The following ST7 variants were observed in gnomAD, a reference collection of about 807,000 sequenced individuals.
ST7 encodes suppressor of tumorigenicity 7 protein.
In ST7, 28 loss-of-function variants were observed where a neutral mutation model predicts 78.7. The ratio of observed to expected loss-of-function variants is 0.36; its 90% CI spans 0.26 to 0.49. The LOEUF is 0.49. Ranked by LOEUF, ST7 falls within the 20% of genes least tolerant of loss-of-function variation. The pLI, the probability that ST7 is intolerant of heterozygous loss-of-function variation, is 0.99. For missense variants in ST7, 418 were observed against 696.0 expected, an observed-to-expected ratio of 0.60 and a Z score of 4.49; for synonymous variants, 247 against 249.6, an observed-to-expected ratio of 0.99 and a Z score of 0.10.
intron 1 of ST7, among the ~76,000 whole-genome samples, chr7:117,039,067 T>G (rs561111499): frequency 6.6e-6 from 1 of 152,318 alleles, no homozygotes; most frequent in Non-Finnish European, 1.5e-5. Flanking sequence ...AGCTAATCCT[T>G]TATGAGTGGT....
chr7:117,183,400 G>T (rs898044051), intron 10 of ST7, among the ~76,000 whole-genome samples: 2 of 151,572 alleles, frequency 1.3e-5, no homozygotes, highest in Admixed American at 1.3e-4. Context: ...ACTCCAGCCT[G>T]GGTGATAGAG....
At chr7:117,011,535 T>G (rs760224341) in intron 1 of ST7, among the ~76,000 whole-genome samples, 1 of 152,188 alleles carries the variant, frequency 6.6e-6, no homozygotes, top group Non-Finnish European at 1.5e-5. Context: ...TTCTAGAATT[T>G]ATCTTAGATC....
intron 10 of ST7, among the ~76,000 whole-genome samples, chr7:117,180,701 G>C (rs2117322152): frequency 6.6e-6 from 1 of 152,282 alleles, no homozygotes; most frequent in East Asian, 1.9e-4. Context: ...CTAGACTGGA[G>C]TACAGTGACA....
At chr7:117,087,771 C>T (rs1243500864) in intron 1 of ST7, among the ~76,000 whole-genome samples, 2 of 152,148 alleles carry the variant, frequency 1.3e-5, no homozygotes, top group East Asian at 1.9e-4. Context: ...CCCAGACTCT[C>T]GCCCTTTATG....
chr7:117,159,757 G>A (rs920830472), intron 9 of ST7, among the ~76,000 whole-genome samples: 1 of 152,244 alleles, frequency 6.6e-6, no homozygotes, highest in Admixed American at 6.5e-5. Context: ...GCCAGGCATG[G>A]TGACACACAC....
At chr7:117,078,150 C>T (rs1799492153) in intron 1 of ST7, among the ~76,000 whole-genome samples, 2 of 152,088 alleles carry the variant, frequency 1.3e-5, no homozygotes, top group African/African-American at 4.8e-5. Flanking sequence ...TTCTAGGAAA[C>T]AAGGTTCCAT....
At chr7:117,154,864 G>A (rs1249353366) in intron 9 of ST7, among the ~76,000 whole-genome samples, 1 of 152,128 alleles carries the variant, frequency 6.6e-6, no homozygotes, top group Non-Finnish European at 1.5e-5. Context: ...AATTGGCAAG[G>A]AAATGGAAAG....
At chr7:117,140,086 C>A (rs946698134) in intron 9 of ST7, among the ~76,000 whole-genome samples, 2 of 152,178 alleles carry the variant, frequency 1.3e-5, no homozygotes, top group East Asian at 3.8e-4. Context: ...GGAACAAATT[C>A]TGATGATTTT....
At chr7:117,048,900 C>A (rs1402832891) in intron 1 of ST7, among the ~76,000 whole-genome samples, 1 of 152,092 alleles carries the variant, frequency 6.6e-6, no homozygotes, top group Non-Finnish European at 1.5e-5. Context: ...ATTCCATGAT[C>A]TAGAGGCCGA....
chr7:117,219,153 C>T lies in ST7; in HGVS notation c.1475C>T (p.Thr492Ile). The T allele has an allele frequency of 6.2e-7, 1 of 1,613,350 alleles. No individual in the cohort carries two copies. Among genetic ancestry groups the T allele is most frequent in the Non-Finnish European group, 8.5e-7 (1 of 1,179,722 alleles). The change falls in exon 14 of 16, where the codon ACA (threonine) becomes ATA (isoleucine). Residue 492 changes from threonine (T) to isoleucine (I), a missense_variant. Physicochemically the swap from Thr to Ile is moderately conservative, Grantham distance 89. Coordinates refer to ENST00000323984, the MANE Select transcript of ST7 (RefSeq NM_001369598.1). The surrounding 1 kb of genome is among the most constrained non-coding windows in gnomAD (Gnocchi z 5.1). Reference sequence around the variant, plus strand: ...TATCCTTACCCAATCTGTACAGAAACAGCAGACCGAGAGCTGCTTCCATGT... The same window carrying T: ...TATCCTTACCCAATCTGTACAGAAATAGCAGACCGAGAGCTGCTTCCATGT... ...LFYPYPICTE[T>I]ADRELLPSFH...
At chr7:117,123,170 T>G (rs879278185) in intron 3 of ST7, among the ~76,000 whole-genome samples, 5 of 152,228 alleles carry the variant, frequency 3.3e-5, no homozygotes, top group Non-Finnish European at 7.3e-5. Flanking sequence ...TTTTATTGAT[T>G]ATTTGAGAAA....
At chr7:117,103,044 G>A (rs1383078402) in intron 2 of ST7, among the ~76,000 whole-genome samples, 3 of 151,948 alleles carry the variant, frequency 2.0e-5, no homozygotes, top group Non-Finnish European at 4.4e-5. Flanking sequence ...TGCATACAAG[G>A]AAAACTATTA....
chr7:117,206,349 G>A (rs1430778111), intron 12 of ST7, among the ~76,000 whole-genome samples: 3 of 152,128 alleles, frequency 2.0e-5, no homozygotes, highest in Admixed American at 2.0e-4. Context: ...TTACCTTGAT[G>A]TGCAAGGCTC....
At chr7:117,076,172 G>A (rs1799324243) in intron 1 of ST7, among the ~76,000 whole-genome samples, 1 of 152,214 alleles carries the variant, frequency 6.6e-6, no homozygotes, top group African/African-American at 2.4e-5. Flanking sequence ...TGCCACCTTA[G>A]TGATTGGCTT....
intron 9 of ST7, among the ~76,000 whole-genome samples, chr7:117,161,316 T>C (rs1036142185): frequency 6.6e-6 from 1 of 152,110 alleles, no homozygotes; most frequent in African/African-American, 2.4e-5. Flanking sequence ...AATATAAAAA[T>C]GTATGCAGAA....
chr7:117,031,279 T>C (rs919359653), intron 1 of ST7, among the ~76,000 whole-genome samples: 8 of 151,402 alleles, frequency 5.3e-5, no homozygotes, highest in Non-Finnish European at 5.9e-5. Context: ...GACAAAATAA[T>C]CTGTACATCA....
At chr7:117,056,738 A>C (rs1388929977) in intron 1 of ST7, among the ~76,000 whole-genome samples, 2 of 152,230 alleles carry the variant, frequency 1.3e-5, no homozygotes, top group African/African-American at 4.8e-5. Context: ...AGGATCTTGA[A>C]GAAATATAGC....
intron 1 of ST7, among the ~76,000 whole-genome samples, chr7:117,071,679 C>G (rs147297489): frequency 6.6e-6 from 1 of 152,150 alleles, no homozygotes; most frequent in Non-Finnish European, 1.5e-5. Flanking sequence ...CTGAGGAGTG[C>G]GGTAACTCAG....
chr7:117,223,021 C>T (rs775072100), intron 15 of ST7: 2 of 1,422,532 alleles, frequency 1.4e-6, no homozygotes, highest in Non-Finnish European at 2.0e-6. Context: ...ACTGCTCCTC[C>T]TCCTGTATTC....
Sources: gnomAD v4.1 joint callset for allele counts (sites outside exome capture counted in the v4.1 genomes callset) on GRCh38, gnomAD v4.1.1 for gene constraint, Gnocchi (gnomAD v3.1) non-coding constraint, MANE v1.5 for transcripts, NCBI Gene and HGNC (gene_info 2026-07-23, HGNC 2026-07-21) for gene names.